The following MAST3 variants were observed in gnomAD, a reference collection of about 807,000 sequenced individuals.
MAST3 encodes microtubule associated serine/threonine kinase 3.
MAST3 carries 43 observed loss-of-function variants against 127.0 expected under a neutral mutation model. The ratio of observed to expected loss-of-function variants is 0.34; its 90% CI spans 0.27 to 0.44. The LOEUF is 0.44. Among genes scored for constraint, MAST3 ranks in the 20% least tolerant of loss-of-function variants. The probability of loss-of-function intolerance (pLI) is 1.00; values close to 1 mark genes in which losing one functional copy is unlikely to be tolerated. For synonymous variants in MAST3, 785 were observed against 809.2 expected, an observed-to-expected ratio of 0.97 and a Z score of 0.51; for missense variants, 1,390 against 1,919.1, an observed-to-expected ratio of 0.72 and a Z score of 5.15.
rs950874444 is a variant in MAST3, at chr19:18,124,427, C to G, written c.945+61C>G. 66 of 1,469,540 alleles carry G rather than the reference C, an allele frequency of 4.5e-5. No individual in the cohort carries two copies. In the Admixed American group the frequency reaches 1.3e-3, roughly 28 times the overall value. The allele number at this position is 1,469,540 out of a possible 1,614,324, so 91.0% of individuals were successfully genotyped here. A position where few individuals can be genotyped will look rare whatever the true frequency, so the allele number is the denominator to read the frequency against. The stretch of plus-strand genomic sequence containing the variant: ...GGCAGAACTGAGATTGGGACCACAA[C>G]AGTCCTGCCAAGATACAGGTGACAG... On this transcript the variant is annotated intron_variant, in intron 10 of 27. Transcript: ENST00000687212.
Position 18,149,869 on chromosome 19 carries a change from T to G in MAST3, c.*143T>G, listed in dbSNP as rs910550578. The G allele has an allele frequency of 8.4e-7, 1 of 1,194,876 alleles. No individual in the cohort carries two copies. The highest frequency in any genetic ancestry group is 1.5e-5 in the South Asian group (1 of 64,688). 74.0% of individuals were successfully genotyped at this position (1,194,876 alleles called of 1,614,324 possible). On this transcript the variant is annotated 3_prime_UTR_variant, in exon 28 of 28. Coordinates refer to ENST00000687212, the MANE Select transcript of MAST3 (RefSeq NM_001393504.1). The surrounding 1 kb of genome is among the most constrained non-coding windows in gnomAD (Gnocchi z 5.9). The stretch of plus-strand genomic sequence containing the variant: ...AGCCATCTCGGTCCTTGCTGGAAGG[T>G]GGAGACATCGCTTGTGTTCTGGTGT...
chr19:18,149,682 G>C lies in MAST3; in HGVS notation c.4000G>C (p.Glu1334Gln). Reference sequence around the variant, plus strand: ...AGTGCCACAGATCGCCGTGGAGGGCGAGGAAGCCGTGCCAGTAGCTCTCGG... The same window carrying C: ...AGTGCCACAGATCGCCGTGGAGGGCCAGGAAGCCGTGCCAGTAGCTCTCGG... ...TSVPQIAVEG[E>Q]EAVPVALGPT... The change falls in exon 28 of 28, where the codon GAG becomes CAG. Residue 1334 changes from glutamate (E) to glutamine (Q), a missense_variant. Physicochemically the swap from Glu to Gln is conservative, Grantham distance 29 (BLOSUM62 2). Transcript: ENST00000687212. This position sits in a 1 kb window ranked among gnomAD's most constrained non-coding sequence, Gnocchi z 5.9. 6.2e-7 allele frequency: 1 copy of C among 1,612,998 alleles called. No homozygotes were observed. Among genetic ancestry groups the C allele is most frequent in the African/African-American group, 1.3e-5 (1 of 75,068 alleles).
In MAST3 at chr19:18,145,986, T is replaced by G; in HGVS notation, c.3162+121T>G. 8.1e-7 allele frequency: 1 copy of G among 1,230,764 alleles called. No homozygotes were observed. Among genetic ancestry groups the G allele is most frequent in the Non-Finnish European group, 1.1e-6 (1 of 918,196 alleles). 76.2% of individuals were successfully genotyped at this position (1,230,764 alleles called of 1,614,324 possible). On this transcript the variant is annotated intron_variant, in intron 25 of 27. Transcript: ENST00000687212. This position sits in a 1 kb window ranked among gnomAD's most constrained non-coding sequence, Gnocchi z 5.9. ...CCACATTCAATGTCAACTCCAGGCCTGGCACATCCACTTCCTTCGGCCCAG... is the reference window on the plus strand; with the variant it reads ...CCACATTCAATGTCAACTCCAGGCCGGGCACATCCACTTCCTTCGGCCCAG...
rs576896452 is a variant in MAST3 at position 18,145,128 on chromosome 19, A to G, written c.2938A>G (p.Ile980Val). Residue 980 changes from isoleucine to valine, a missense_variant, in exon 24 of 28, where the codon ATC becomes GTC. Coordinates refer to ENST00000687212, the MANE Select transcript of MAST3 (RefSeq NM_001393504.1). The surrounding 1 kb of genome is among the most constrained non-coding windows in gnomAD (Gnocchi z 5.9). ...SPVCGSLRPPIVIHSSGKKYG... is the reference protein window; with the variant it reads ...SPVCGSLRPPVVIHSSGKKYG... ...CGTGTGTGGCAGCCTGCGGCCCCCC[A>G]TCGTTATCCACAGCTCTGGCAAGAA... is the stretch of plus-strand genomic sequence containing the variant. 22 of 1,613,588 alleles carry G rather than the reference A, an allele frequency of 1.4e-5. No individual in the cohort carries two copies. The South Asian group carries it at 1.9e-4, about 14-fold the overall frequency.
Position 18,149,594 on chromosome 19 carries a change from G to A in MAST3, c.3912G>A (p.Gln1304=). The change falls in exon 28 of 28, where the codon CAG becomes CAA. Residue 1304 remains glutamine (Q), a synonymous_variant. Transcript: ENST00000687212. This position sits in a 1 kb window ranked among gnomAD's most constrained non-coding sequence, Gnocchi z 5.9. The stretch of plus-strand genomic sequence containing the variant: ...AGCGCCGAGACTCCTTCAAGAAGCA[G>A]GAGGCCGTGCAGGAGGTTAGCTTCG... ...LSERRDSFKK[Q]EAVQEVSFDE... 1 of 1,611,304 alleles carries A rather than the reference G, an allele frequency of 6.2e-7. No individual in the cohort carries two copies. The highest frequency in any genetic ancestry group is 1.1e-5 in the South Asian group (1 of 90,772).
chr19:18,111,530 C>CTTTTTTTTTTTTTTTTTTTTTTTT (rs576984210), intron 3 of MAST3, among the ~76,000 whole-genome samples: 1 of 103,288 alleles, frequency 9.7e-6, no homozygotes, highest in African/African-American at 4.6e-5. Context: ...TTTCCACAGA[C>CTTTTTTTTTTTTTTTTTTTTTTTT]TTTTTTTTTT....
chr19:18,107,447 G>C, intron 1 of MAST3, 140 bp from the exon 2 acceptor site: 1 of 880,482 alleles, frequency 1.1e-6, no homozygotes, highest in Non-Finnish European at 1.9e-6. Context: ...CCTTGAGGCA[G>C]GGCTGAGCCA....
chr19:18,124,919 A>C lies in MAST3; in HGVS notation c.1078+145A>C. ...CCAGGAGTTCGAGACCAGCCTGGCCAACATGGTGGAAACCCCCCCCCTACT... is the reference window on the plus strand; with the variant it reads ...CCAGGAGTTCGAGACCAGCCTGGCCCACATGGTGGAAACCCCCCCCCTACT... On this transcript the variant is annotated intron_variant, in intron 11 of 27. Transcript: ENST00000687212. The C allele has an allele frequency of 3.0e-6, 3 of 991,826 alleles. No individual in the cohort carries two copies. The South Asian group carries it at 7.5e-5, about 25-fold the overall frequency. The allele number at this position is 991,826 out of a possible 1,614,324, so 61.4% of individuals were successfully genotyped here.
chr19:18,118,204 C>T (rs923532044), intron 3 of MAST3: 1 of 985,400 alleles, frequency 1.0e-6, no homozygotes, highest in African/African-American at 1.7e-5. Flanking sequence ...TGGCGGCTCC[C>T]GGCCATCGGA....
intron 25 of MAST3, among the ~76,000 whole-genome samples, chr19:18,146,663 C>T (rs751288169): frequency 1.2e-4 from 19 of 152,064 alleles, no homozygotes; most frequent in Admixed American, 5.2e-4. Context: ...CCTCGATCGG[C>T]GTTGACCGCA....
At chr19:18,134,443 G>A (rs1038241450) in intron 15 of MAST3, 136 bp from the exon 16 acceptor site, 7 of 1,253,390 alleles carry the variant, frequency 5.6e-6, no homozygotes, top group South Asian at 1.6e-5. Context: ...TTGGGAGGCT[G>A]AGCAGGAGGA....
intron 1 of MAST3, among the ~76,000 whole-genome samples, chr19:18,105,825 C>A (rs2038026567): frequency 6.6e-6 from 1 of 152,070 alleles, no homozygotes; most frequent in Admixed American, 6.6e-5. Flanking sequence ...TTGCTGAGCT[C>A]TAAAAGGGTC....
At chr19:18,134,735 G>T (rs201157541) in intron 16 of MAST3, 24 bp downstream of exon 16, 2 of 1,613,030 alleles carry the variant, frequency 1.2e-6, no homozygotes, top group Admixed American at 1.7e-5. Context: ...TGGGTGGGCA[G>T]CCCCGGGATG....
At chr19:18,103,195 C>G (rs1210694012) in intron 1 of MAST3, among the ~76,000 whole-genome samples, 1 of 152,018 alleles carries the variant, frequency 6.6e-6, no homozygotes, top group African/African-American at 2.4e-5. Context: ...TCCCCGGGAG[C>G]CTTTGCAGGG....
intron 2 of MAST3, among the ~76,000 whole-genome samples, chr19:18,108,860 A>G (rs1015435500): frequency 2.0e-5 from 3 of 152,104 alleles, no homozygotes; most frequent in African/African-American, 7.2e-5. Context: ...GAATCACTCA[A>G]TGAACATTTT....
Position 18,147,002 on chromosome 19 carries a change from G to T in MAST3, c.3284G>T (p.Arg1095Leu). The T allele has an allele frequency of 6.4e-7, 1 of 1,574,046 alleles. No individual in the cohort carries two copies. The highest frequency in any genetic ancestry group is 8.6e-7 in the Non-Finnish European group (1 of 1,160,460). Residue 1095 changes from arginine to leucine, a missense_variant, in exon 26 of 28, where the codon CGG becomes CTG. Transcript: ENST00000687212. The stretch of plus-strand genomic sequence containing the variant: ...CGCAGGAGCAAGAGGAGCCGTCGGC[G>T]GGAGACCCAGGATCGGTGCGCGGCA... ...MARRSKRSRRRETQDRCAAVT... is the reference protein window; with the variant it reads ...MARRSKRSRRLETQDRCAAVT...
At chr19:18,142,263 C>G (rs1302792964) in intron 21 of MAST3, among the ~76,000 whole-genome samples, 1 of 151,838 alleles carries the variant, frequency 6.6e-6, no homozygotes, top group Non-Finnish European at 1.5e-5. Context: ...ATGCCCTTTG[C>G]TTACTAACTC....
At position 18,111,530 on chromosome 19, in the gene MAST3, C is replaced by CTTTTTTTTTTTTTTTTTTTT. The variant is rs576984210; in HGVS notation, c.161+792_161+811dup. Among the ~76,000 whole-genome samples, 5 of 103,256 alleles carry CTTTTTTTTTTTTTTTTTTTT rather than the reference C, an allele frequency of 4.8e-5. 1 individual carries two copies. Among genetic ancestry groups the CTTTTTTTTTTTTTTTTTTTT allele is most frequent in the African/African-American group, 2.3e-4 (5 of 21,620 alleles). The allele number at this position is 103,256 out of a possible 152,430, so 67.7% of individuals were successfully genotyped here. ...TGAGCTGCTTAACTCTTTCCACAGA[C>CTTTTTTTTTTTTTTTTTTTT]TTTTTTTTTTTTTTTTTTTTTTGAG... On this transcript the variant is annotated intron_variant, in intron 3 of 27. Coordinates refer to ENST00000687212, the MANE Select transcript of MAST3 (RefSeq NM_001393504.1).
At chr19:18,101,949 G>A (rs1049592605) in intron 1 of MAST3, among the ~76,000 whole-genome samples, 4 of 143,088 alleles carry the variant, frequency 2.8e-5, no homozygotes, top group African/African-American at 1.1e-4. Context: ...GTGCAGTGGC[G>A]TGATCTCCGC....
Sources: gnomAD v4.1 joint callset for allele counts (sites outside exome capture counted in the v4.1 genomes callset) on GRCh38, gnomAD v4.1.1 for gene constraint, Gnocchi (gnomAD v3.1) non-coding constraint, MANE v1.5 for transcripts, NCBI Gene and HGNC (gene_info 2026-07-23, HGNC 2026-07-21) for gene names.